Variants in ENTPD1 observed in about 807,000 individuals in gnomAD.
ENTPD1 encodes ectonucleoside triphosphate diphosphohydrolase 1.
In ENTPD1, 33 loss-of-function variants were observed where a neutral mutation model predicts 57.0. That is an observed-to-expected ratio of 0.58 (90% CI 0.44 to 0.77). ENTPD1 has a LOEUF of 0.77. Among genes scored for constraint, ENTPD1 ranks in the 30% least tolerant of loss-of-function variants. The pLI is 0.00. For synonymous variants in ENTPD1, 202 were observed against 218.8 expected (o/e 0.92, Z 0.68); for missense variants, 501 against 603.4 (o/e 0.83, Z 1.78).
intron 1 of ENTPD1, among the ~76,000 whole-genome samples, chr10:95,786,764 C>A (rs1002416740): frequency 6.6e-6 from 1 of 152,148 alleles, no homozygotes; most frequent in Non-Finnish European, 1.5e-5. Context: ...ATTTTCAACA[C>A]CATTTATAAA....
At chr10:95,826,187 T>G (rs1046084380) in intron 2 of ENTPD1, among the ~76,000 whole-genome samples, 2 of 152,152 alleles carry the variant, frequency 1.3e-5, no homozygotes, top group Admixed American at 6.5e-5. Context: ...AATGAAAGTT[T>G]TGGGGCCAGG....
intron 2 of ENTPD1, among the ~76,000 whole-genome samples, chr10:95,825,925 C>T (rs961538156): frequency 6.6e-5 from 10 of 152,216 alleles, no homozygotes; most frequent in Non-Finnish European, 8.8e-5. Context: ...TATGACCATA[C>T]TTCATTCAGC....
At chr10:95,694,195 G>A in the ENTPD1 span, 612 of 419,930 alleles carry the variant, frequency 1.5e-3, 2 homozygotes, top group African/African-American at 0.012. Context: ...GGCGGTAGGA[G>A]TTCGGCGGAC....
At chr10:95,699,086 G>A in the ENTPD1 span, among the ~76,000 whole-genome samples, 5 of 152,196 alleles carry the variant, frequency 3.3e-5, no homozygotes, top group African/African-American at 4.8e-5. Context: ...GAAGCAGGAG[G>A]ATCGCTTGAG....
At chr10:95,697,537 G>A in the ENTPD1 span, among the ~76,000 whole-genome samples, 1 of 152,296 alleles carries the variant, frequency 6.6e-6, no homozygotes, top group East Asian at 1.9e-4. Context: ...CTGCCTTCAT[G>A]AATGGACTAA....
chr10:95,869,587 C>T lies in ENTPD1; in HGVS notation c.*3204C>T. 2.0e-6 allele frequency: 2 copies of T among 985,126 alleles called. No homozygotes were observed. The highest frequency in any genetic ancestry group is 9.4e-5 in the South Asian group (2 of 21,246). 61.0% of individuals were successfully genotyped at this position (985,126 alleles called of 1,614,324 possible). On this transcript the variant is annotated 3_prime_UTR_variant, in exon 10 of 10. Coordinates refer to ENST00000371205, the MANE Select transcript of ENTPD1 (RefSeq NM_001776.6). The stretch of plus-strand genomic sequence containing the variant: ...TTCTGTAGACAAAAGAATAATGCTA[C>T]TTAATCAGGCTTTCTGTGTGACAAG...
At chr10:95,719,742 T>C (rs1342358240) in intron 1 of ENTPD1, among the ~76,000 whole-genome samples, 1 of 152,166 alleles carries the variant, frequency 6.6e-6, no homozygotes, top group South Asian at 2.1e-4. Flanking sequence ...TGTCCAGGTA[T>C]GAGAATTGAC....
chr10:95,832,024 C>A (rs576341850), intron 2 of ENTPD1, among the ~76,000 whole-genome samples: 1 of 152,284 alleles, frequency 6.6e-6, no homozygotes, highest in East Asian at 1.9e-4. Flanking sequence ...GGGAGATAAT[C>A]ATTAATCAAA....
At chr10:95,789,762 G>A (rs1227939513) in intron 1 of ENTPD1, among the ~76,000 whole-genome samples, 3 of 152,154 alleles carry the variant, frequency 2.0e-5, no homozygotes, top group Non-Finnish European at 2.9e-5. Flanking sequence ...ACTTACAGTT[G>A]ATAGAAATTT....
intron 1 of ENTPD1, among the ~76,000 whole-genome samples, chr10:95,722,243 T>C (rs1464434481): frequency 6.6e-6 from 1 of 151,618 alleles, no homozygotes; most frequent in Non-Finnish European, 1.5e-5. Context: ...TGGTTTTTTT[T>C]TTATTATCCC....
intron 1 of ENTPD1, among the ~76,000 whole-genome samples, chr10:95,713,238 A>G (rs1277943948): frequency 6.6e-6 from 1 of 152,186 alleles, no homozygotes; most frequent in Non-Finnish European, 1.5e-5. Flanking sequence ...TTGAGTCACT[A>G]CTGGAATTTG....
intron 1 of ENTPD1, among the ~76,000 whole-genome samples, chr10:95,807,993 T>G (rs2098280084): frequency 1.3e-5 from 2 of 152,180 alleles, no homozygotes; most frequent in Non-Finnish European, 2.9e-5. Flanking sequence ...CCTTGCCTTG[T>G]GCCAGTTTTC....
Position 95,856,997 on chromosome 10 carries a change from T to C in ENTPD1, c.1075-3472T>C, listed in dbSNP as rs1349503133. Among the ~76,000 whole-genome samples, 5 of 152,090 alleles carry C rather than the reference T, an allele frequency of 3.3e-5. No individual in the cohort carries two copies. The South Asian group carries it at 8.3e-4, about 25-fold the overall frequency. ...TAACTTGTATTATTTAAATTCTATA[T>C]AATAAACGTGTTTTTTTTTAATAAG... On this transcript the variant is annotated intron_variant, in intron 7 of 9. Coordinates refer to ENST00000371205, the MANE Select transcript of ENTPD1 (RefSeq NM_001776.6).
chr10:95,816,069 G>A (rs966565143), intron 1 of ENTPD1, among the ~76,000 whole-genome samples: 3 of 152,118 alleles, frequency 2.0e-5, no homozygotes, highest in African/African-American at 4.8e-5. Flanking sequence ...GAGTGCTCCC[G>A]GCAAGTCATC....
the ENTPD1 span, among the ~76,000 whole-genome samples, chr10:95,701,277 T>C: frequency 6.6e-6 from 1 of 152,176 alleles, no homozygotes; most frequent in Non-Finnish European, 1.5e-5. Context: ...CCGGGCAACA[T>C]AGTGAGACCT....
In ENTPD1 at chr10:95,874,165, C is replaced by T. The variant is rs1358619480; in HGVS notation, c.*7782C>T. 6.6e-6 allele frequency among the ~76,000 whole-genome samples: 1 copy of T among 152,164 alleles called. No individual in the cohort carries two copies. Among genetic ancestry groups the T allele is most frequent in the Non-Finnish European group, 1.5e-5 (1 of 68,026 alleles). Reference sequence around the variant, plus strand: ...CAGCATTAACCCAAAAGTCCACAGTCCAAAGTCTCATCTGAGACAAGGCAA... The same window carrying T: ...CAGCATTAACCCAAAAGTCCACAGTTCAAAGTCTCATCTGAGACAAGGCAA... On this transcript the variant is annotated 3_prime_UTR_variant, in exon 10 of 10. Coordinates refer to ENST00000371205, the MANE Select transcript of ENTPD1 (RefSeq NM_001776.6).
At position 95,868,620 on chromosome 10, in the gene ENTPD1, A is replaced by G. The variant is rs2098476966; in HGVS notation, c.*2237A>G. 2 of 983,602 alleles carry G rather than the reference A, an allele frequency of 2.0e-6. No homozygotes were observed. The highest frequency in any genetic ancestry group is 2.4e-6 in the Non-Finnish European group (2 of 828,454). The allele number at this position is 983,602 out of a possible 1,614,324, so 60.9% of individuals were successfully genotyped here. A position where few individuals can be genotyped will look rare whatever the true frequency, so the allele number is the denominator to read the frequency against. On this transcript the variant is annotated 3_prime_UTR_variant, in exon 10 of 10. Coordinates refer to ENST00000371205, the MANE Select transcript of ENTPD1 (RefSeq NM_001776.6). ...ACAATCTATTCTGACCCTCACAACAACCCATAAGGGTGTAAATAGTATTTC... is the reference window on the plus strand; with the variant it reads ...ACAATCTATTCTGACCCTCACAACAGCCCATAAGGGTGTAAATAGTATTTC...
intron 1 of ENTPD1, among the ~76,000 whole-genome samples, chr10:95,813,258 A>G (rs540284864): frequency 1.3e-5 from 2 of 152,338 alleles, no homozygotes; most frequent in South Asian, 2.1e-4. Context: ...GTGGCCAAAT[A>G]TACATATTCA....
chr10:95,790,287 A>C (rs901971440), intron 1 of ENTPD1, among the ~76,000 whole-genome samples: 1 of 152,210 alleles, frequency 6.6e-6, no homozygotes, highest in Non-Finnish European at 1.5e-5. Context: ...TCTTTTATGT[A>C]GCTTACTTTA....
Sources: allele counts gnomAD v4.1 joint callset (sites outside exome capture counted in the v4.1 genomes callset), GRCh38; gene constraint gnomAD v4.1.1; transcripts MANE v1.5; gene names NCBI Gene and HGNC (gene_info 2026-07-23, HGNC 2026-07-21).